Variants in OPCML observed in about 807,000 individuals in gnomAD.
OPCML encodes the protein opioid binding protein/cell adhesion molecule like, also known as opioid-binding protein/cell adhesion molecule.
In OPCML, 13 loss-of-function variants were observed where a neutral mutation model predicts 37.8. The observed-to-expected ratio is 0.34, with a 90% CI of 0.22 to 0.55. The LOEUF (loss-of-function observed/expected upper bound fraction) is 0.55. Among genes scored for constraint, OPCML ranks in the 20% least tolerant of loss-of-function variants. The pLI, the probability that OPCML is intolerant of heterozygous loss-of-function variation, is 0.91. For synonymous variants in OPCML, 176 were observed against 168.8 expected (o/e 1.04, Z -0.33); for missense variants, 341 against 435.6 (o/e 0.78, Z 1.93).
chr11:133,154,444 C>G (rs973807185), intron 1 of OPCML, among the ~76,000 whole-genome samples: 7 of 152,050 alleles, frequency 4.6e-5, no homozygotes, highest in Non-Finnish European at 1.0e-4. Context: ...GCAATTATGA[C>G]TATTCTTTTA....
chr11:132,551,333 C>T (rs1432069095), intron 3 of OPCML, among the ~76,000 whole-genome samples: 1 of 152,234 alleles, frequency 6.6e-6, no homozygotes, highest in African/African-American at 2.4e-5. Context: ...AACCTCCAAG[C>T]TGTCCTTGTT....
intron 3 of OPCML, among the ~76,000 whole-genome samples, chr11:132,624,422 T>G (rs1939615597): frequency 6.6e-6 from 1 of 152,206 alleles, no homozygotes; most frequent in African/African-American, 2.4e-5. Context: ...GCCACTTTTT[T>G]CTTGTAGAAA....
At chr11:133,375,693 C>T (rs911702470) in intron 1 of OPCML, among the ~76,000 whole-genome samples, 2 of 152,032 alleles carry the variant, frequency 1.3e-5, no homozygotes, top group African/African-American at 2.4e-5. Context: ...GCTGCTATGG[C>T]CTTAGCTTCA....
At chr11:133,135,725 T>C (rs191659884) in intron 1 of OPCML, among the ~76,000 whole-genome samples, 201 of 152,334 alleles carry the variant, frequency 1.3e-3, no homozygotes, top group Non-Finnish European at 2.3e-3. Context: ...CTAGAATGCG[T>C]TGGAGTGTCT....
At chr11:133,259,366 G>A (rs905905847) in intron 1 of OPCML, among the ~76,000 whole-genome samples, 5 of 152,106 alleles carry the variant, frequency 3.3e-5, no homozygotes, top group Non-Finnish European at 5.9e-5. Flanking sequence ...AGCAAAGAAA[G>A]GTTTAGTATT....
intron 2 of OPCML, among the ~76,000 whole-genome samples, chr11:132,701,291 A>G (rs890983163): frequency 2.6e-5 from 4 of 152,078 alleles, no homozygotes; most frequent in Admixed American, 1.3e-4. Flanking sequence ...GGGGAAATTG[A>G]CCCCATGATT....
chr11:133,231,373 C>A (rs377675289), intron 1 of OPCML, among the ~76,000 whole-genome samples: 2 of 152,132 alleles, frequency 1.3e-5, no homozygotes, highest in Non-Finnish European at 2.9e-5. Context: ...AACTGCTTAA[C>A]CTTACTGACT....
chr11:133,415,408 TA>T (rs530082319), intron 1 of OPCML, among the ~76,000 whole-genome samples: 653 of 139,066 alleles, frequency 4.7e-3, no homozygotes, highest in Middle Eastern at 7.6e-3. Flanking sequence ...AGACTTCGTC[TA>T]AAAAAAAAAA....
chr11:132,631,213 C>G (rs1241764642), intron 3 of OPCML, among the ~76,000 whole-genome samples: 1 of 151,538 alleles, frequency 6.6e-6, no homozygotes, highest in African/African-American at 2.4e-5. Flanking sequence ...AAAAAAAATT[C>G]TTTGTTTTTG....
chr11:133,199,456 C>G (rs148628761), intron 1 of OPCML, among the ~76,000 whole-genome samples: 8 of 152,184 alleles, frequency 5.3e-5, no homozygotes, highest in African/African-American at 1.4e-4. Context: ...ACGCTACAGT[C>G]GCCTAGTGAT....
chr11:132,715,151 G>C (rs746284937), intron 2 of OPCML, among the ~76,000 whole-genome samples: 1 of 152,116 alleles, frequency 6.6e-6, no homozygotes, highest in Non-Finnish European at 1.5e-5. Flanking sequence ...CCCTCTCTCC[G>C]GAGTATCATT....
intron 3 of OPCML, among the ~76,000 whole-genome samples, chr11:132,570,804 T>TAG (rs1203341702): frequency 2.2e-5 from 2 of 90,756 alleles, no homozygotes; most frequent in Admixed American, 1.0e-4. Flanking sequence ...TATATATATT[T>TAG]AGAGAGAGAG....
At chr11:133,298,700 C>T (rs901028949) in intron 1 of OPCML, 11 of 152,266 alleles carry the variant, frequency 7.2e-5, no homozygotes, top group African/African-American at 2.6e-4. Flanking sequence ...TGATTCCTGG[C>T]CTGCTCACCA....
At chr11:133,293,934 A>C (rs1942556011) in intron 1 of OPCML, among the ~76,000 whole-genome samples, 1 of 147,366 alleles carries the variant, frequency 6.8e-6, no homozygotes, top group Non-Finnish European at 1.5e-5. Flanking sequence ...ACACACACAC[A>C]CAAAAGCATC....
chr11:132,899,447 C>T (rs1943970253), intron 2 of OPCML, among the ~76,000 whole-genome samples: 1 of 143,432 alleles, frequency 7.0e-6, no homozygotes, highest in Non-Finnish European at 1.5e-5. Context: ...ATCATCCAAA[C>T]ACTTTACCTT....
intron 1 of OPCML, chr11:133,423,546 G>A (rs766069269): frequency 1.1e-6 from 1 of 926,288 alleles, no homozygotes; most frequent in Non-Finnish European, 1.3e-6. Flanking sequence ...GTCCTCAAAG[G>A]AATTTAATTC....
intron 1 of OPCML, among the ~76,000 whole-genome samples, chr11:133,117,373 G>T (rs1478929949): frequency 6.6e-6 from 1 of 152,110 alleles, no homozygotes; most frequent in East Asian, 1.9e-4. Flanking sequence ...TGCCCTTGAG[G>T]AGAACCTGTG....
intron 2 of OPCML, among the ~76,000 whole-genome samples, chr11:132,756,346 T>C (rs1946043106): frequency 6.6e-6 from 1 of 152,134 alleles, no homozygotes; most frequent in Non-Finnish European, 1.5e-5. Flanking sequence ...AACTAAGAGA[T>C]GGTATTTCTG....
intron 4 of OPCML, among the ~76,000 whole-genome samples, chr11:132,492,910 A>G (rs1334718050): frequency 6.6e-6 from 1 of 152,172 alleles, no homozygotes; most frequent in East Asian, 1.9e-4. Flanking sequence ...TGACAGGTAC[A>G]TTATAAATAC....
Sources: allele counts gnomAD v4.1 joint callset (sites outside exome capture counted in the v4.1 genomes callset), GRCh38; gene constraint gnomAD v4.1.1; transcripts MANE v1.5; gene names NCBI Gene and HGNC (gene_info 2026-07-23, HGNC 2026-07-21).